The following ERN1 variants were observed in gnomAD, a reference collection of about 807,000 sequenced individuals.
ERN1 encodes the protein endoplasmic reticulum to nucleus signaling 1.
Under a neutral mutation model 113.1 loss-of-function variants are expected in ERN1, and 39 were observed. That is an observed-to-expected ratio of 0.34 (90% CI 0.27 to 0.45). The LOEUF (loss-of-function observed/expected upper bound fraction) is 0.45, where lower values mean the gene tolerates loss of function less well. ERN1 is among the 20% of genes least tolerant of loss of function. ERN1 has a pLI of 1.00. For missense variants in ERN1, 976 were observed against 1,274.8 expected, an observed-to-expected ratio of 0.77 and a Z score of 3.57; for synonymous variants, 507 against 515.9, an observed-to-expected ratio of 0.98 and a Z score of 0.23.
In ERN1 at chr17:64,044,377, C is replaced by T. The variant is rs1912445446; in HGVS notation, c.2722-177G>A. ...TCCAGCCCCGTCATCTCGCCTGCTACCCTCACTCAGGAGGAGGCCTTGAAG... is the reference window on the plus strand; with the variant it reads ...TCCAGCCCCGTCATCTCGCCTGCTATCCTCACTCAGGAGGAGGCCTTGAAG... On this transcript the variant is annotated intron_variant, in intron 21 of 21. Transcript: ENST00000433197. This position sits in a 1 kb window ranked among gnomAD's most constrained non-coding sequence, Gnocchi z 4.1. Among the ~76,000 whole-genome samples, 1 of 152,212 alleles carries T rather than the reference C, an allele frequency of 6.6e-6. No individual in the cohort carries two copies. Among genetic ancestry groups the T allele is most frequent in the African/African-American group, 2.4e-5 (1 of 41,454 alleles).
chr17:64,102,928 T>C, intron 1 of ERN1: 1 of 985,298 alleles, frequency 1.0e-6, no homozygotes, highest in East Asian at 1.1e-4. Flanking sequence ...TATATACTCC[T>C]GGCTTTGATG....
At chr17:64,068,423 G>A (rs1913307824) in intron 6 of ERN1, 132 bp from the exon 7 acceptor site, 2 of 649,908 alleles carry the variant, frequency 3.1e-6, no homozygotes, top group East Asian at 2.8e-5. Flanking sequence ...TATCCATGTC[G>A]ATAGAGAAAG....
intron 1 of ERN1, among the ~76,000 whole-genome samples, chr17:64,122,431 G>A (rs562566651): frequency 2.2e-4 from 34 of 152,262 alleles, no homozygotes; most frequent in Non-Finnish European, 3.8e-4. Context: ...CTACATGGCC[G>A]AGAGCCCATC....
At position 64,075,165 on chromosome 17, in the gene ERN1, G is replaced by T; in HGVS notation, c.355+10C>A. ...AAGAGACACAAGTTTCTGGAGACAG[G>T]AACTCTTACCCATGTAGAGGATTCC... On this transcript the variant is annotated intron_variant, in intron 5 of 21. Coordinates refer to ENST00000433197, the MANE Select transcript of ERN1 (RefSeq NM_001433.5). The T allele has an allele frequency of 1.3e-6, 2 of 1,539,276 alleles. No homozygotes were observed. Among genetic ancestry groups the T allele is most frequent in the South Asian group, 1.2e-5 (1 of 83,624 alleles).
Position 64,049,072 on chromosome 17 carries a change from A to G in ERN1, c.2384T>C (p.Leu795Ser). ...CCGCTCACCGTGCTTCTCTGGGTGC[A>G]AGCAGTCAAGGCTGCAGGCACCCAG... ...ILLGACSLDC[L>S]HPEKHEDVIA... The change falls in exon 18 of 22, where the codon TTG becomes TCG. Residue 795 changes from leucine to serine, a missense_variant. Transcript: ENST00000433197. This position sits in a 1 kb window ranked among gnomAD's most constrained non-coding sequence, Gnocchi z 4.7. 1 of 1,597,528 alleles carries G rather than the reference A, an allele frequency of 6.3e-7. No homozygotes were observed. Among genetic ancestry groups the G allele is most frequent in the Non-Finnish European group, 8.6e-7 (1 of 1,167,360 alleles).
At chr17:64,082,684 T>C (rs3744284) in intron 2 of ERN1, among the ~76,000 whole-genome samples, 64,516 of 152,120 alleles carry the variant, frequency 0.42, 18,237 homozygotes, top group African/African-American at 0.81. Context: ...CGTCTTCAGA[T>C]GCAGATTTTC....
At chr17:64,046,882 T>C (rs576695229) in intron 19 of ERN1, among the ~76,000 whole-genome samples, 7 of 152,368 alleles carry the variant, frequency 4.6e-5, no homozygotes, top group African/African-American at 1.4e-4. Context: ...AATTCATACA[T>C]GGAAGACTTT....
At chr17:64,125,735 C>T (rs976022502) in intron 1 of ERN1, among the ~76,000 whole-genome samples, 3 of 152,146 alleles carry the variant, frequency 2.0e-5, no homozygotes, top group African/African-American at 4.8e-5. Context: ...GTGATTCACC[C>T]GCCTTGGCCT....
rs1913735242 is a variant in ERN1 at position 64,080,554 on chromosome 17, C to T, written c.209+221G>A. On this transcript the variant is annotated intron_variant, in intron 3 of 21. Coordinates refer to ENST00000433197, the MANE Select transcript of ERN1 (RefSeq NM_001433.5). Reference sequence around the variant, plus strand: ...TCAAAGCTCAACTTGAGTTTCATCTCAAATAAGCCTTTTTAAAACCACTAC... The same window carrying T: ...TCAAAGCTCAACTTGAGTTTCATCTTAAATAAGCCTTTTTAAAACCACTAC... 7 of 499,122 alleles carry T rather than the reference C, an allele frequency of 1.4e-5. No individual in the cohort carries two copies. In the Admixed American group the frequency reaches 1.8e-4, roughly 13 times the overall value. The allele number at this position is 499,122 out of a possible 1,614,324, so 30.9% of individuals were successfully genotyped here. A position where few individuals can be genotyped will look rare whatever the true frequency, so the allele number is the denominator to read the frequency against.
chr17:64,111,987 A>C (rs981444918), intron 1 of ERN1, among the ~76,000 whole-genome samples: 3 of 152,200 alleles, frequency 2.0e-5, no homozygotes, highest in Non-Finnish European at 2.9e-5. Flanking sequence ...CCTCATGGGC[A>C]GACAGCAATA....
Position 64,066,918 on chromosome 17 carries a change from C to G in ERN1, c.595G>C (p.Val199Leu), listed in dbSNP as rs771354086. 6.2e-7 allele frequency: 1 copy of G among 1,613,818 alleles called. No homozygotes were observed. The highest frequency in any genetic ancestry group is 8.5e-7 in the Non-Finnish European group (1 of 1,179,848). Residue 199 changes from valine to leucine, a missense_variant, in exon 8 of 22, where the codon GTG becomes CTG. Val to Leu is a conservative substitution (Grantham distance 32, BLOSUM62 1). Transcript: ENST00000433197. ...ACCACCAGCCCATCACCATTGGACACAAAGTGGGACATCTCTGTACAGATC... is the reference window on the plus strand; with the variant it reads ...ACCACCAGCCCATCACCATTGGACAGAAAGTGGGACATCTCTGTACAGATC... The part of the protein sequence containing the change: ...DDVDYKMSHF[V>L]SNGDGLVVTV...
At chr17:64,126,435 T>G (rs1463586206) in intron 1 of ERN1, among the ~76,000 whole-genome samples, 1 of 152,082 alleles carries the variant, frequency 6.6e-6, no homozygotes, top group Non-Finnish European at 1.5e-5. Context: ...AATGAAACCC[T>G]CAGACCTATG....
intron 1 of ERN1, among the ~76,000 whole-genome samples, chr17:64,117,625 C>A (rs559021928): frequency 6.6e-6 from 1 of 152,264 alleles, no homozygotes; most frequent in Admixed American, 6.5e-5. Context: ...CTGTACATTA[C>A]CCCAACACTA....
At chr17:64,101,498 G>A (rs1375119302) in intron 1 of ERN1, among the ~76,000 whole-genome samples, 1 of 152,026 alleles carries the variant, frequency 6.6e-6, no homozygotes, top group Non-Finnish European at 1.5e-5. Flanking sequence ...AATATGATTT[G>A]CTAATCTGTA....
chr17:64,120,323 A>G (rs1198543311), intron 1 of ERN1, among the ~76,000 whole-genome samples: 1 of 152,212 alleles, frequency 6.6e-6, no homozygotes, highest in Non-Finnish European at 1.5e-5. Context: ...ACCTTGGTCA[A>G]CAAACTTCTC....
At position 64,059,462 on chromosome 17, in the gene ERN1, C is replaced by T. The variant is rs370592225; in HGVS notation, c.1206+1007G>A. Among the ~76,000 whole-genome samples, 4 of 152,178 alleles carry T rather than the reference C, an allele frequency of 2.6e-5. No individual in the cohort carries two copies. In the East Asian group the frequency reaches 5.8e-4, roughly 22 times the overall value. The stretch of plus-strand genomic sequence containing the variant: ...CCTGAATCGGTCACTAAGCCTCAGA[C>T]GTCCCCTCTTCCCCTTCCCTGGCCA... On this transcript the variant is annotated intron_variant, in intron 11 of 21. Coordinates refer to ENST00000433197, the MANE Select transcript of ERN1 (RefSeq NM_001433.5).
intron 1 of ERN1, among the ~76,000 whole-genome samples, chr17:64,110,277 G>A (rs536308717): frequency 2.2e-4 from 34 of 152,146 alleles, no homozygotes; most frequent in African/African-American, 6.5e-4. Flanking sequence ...ATGTTCTGAC[G>A]TATGTATACA....
chr17:64,064,177 A>G, intron 9 of ERN1, 26 bp from the exon 10 acceptor site: 1 of 1,566,050 alleles, frequency 6.4e-7, no homozygotes, highest in Non-Finnish European at 8.7e-7. Flanking sequence ...AGTGAGGGTC[A>G]GGAGCCCTGG....
At chr17:64,056,026 A>C (rs1912857303) in intron 12 of ERN1, 78 bp from the exon 13 acceptor site, 1 of 1,465,368 alleles carries the variant, frequency 6.8e-7, no homozygotes. Flanking sequence ...GACAGGTCCC[A>C]GTGGCGGAGG....
Sources: gnomAD v4.1 joint callset for allele counts (sites outside exome capture counted in the v4.1 genomes callset) on GRCh38, gnomAD v4.1.1 for gene constraint, Gnocchi (gnomAD v3.1) non-coding constraint, MANE v1.5 for transcripts, NCBI Gene and HGNC (gene_info 2026-07-23, HGNC 2026-07-21) for gene names.